SLC18A2: variants seen among roughly 807,000 people sequenced by gnomAD.
The protein encoded by SLC18A2 is synaptic vesicular amine transporter.
A neutral mutation model predicts 59.2 loss-of-function variants in SLC18A2; 33 were observed. The ratio of observed to expected loss-of-function variants is 0.56; its 90% CI spans 0.42 to 0.75. The LOEUF (loss-of-function observed/expected upper bound fraction) is 0.75, where lower values mean the gene tolerates loss of function less well. Ranked by LOEUF, SLC18A2 falls within the 30% of genes least tolerant of loss-of-function variation. SLC18A2 has a pLI of 0.00. For missense variants in SLC18A2, 569 were observed against 668.6 expected, an observed-to-expected ratio of 0.85 and a Z score of 1.64; for synonymous variants, 228 against 253.5, an observed-to-expected ratio of 0.90 and a Z score of 0.95.
rs1844543750 is a variant in SLC18A2 at position 117,279,207 on chromosome 10, T to A, written c.*1941T>A. On this transcript the variant is annotated 3_prime_UTR_variant, in exon 16 of 16. Coordinates refer to ENST00000644641, the MANE Select transcript of SLC18A2 (RefSeq NM_003054.6). ...CTTTTATATGACTAATATTCTTGGT[T>A]AGCAAGACTGGAAAGAGGTGTTTTT... 1 of 152,220 alleles carries A rather than the reference T, an allele frequency of 6.6e-6. No individual in the cohort carries two copies. The highest frequency in any genetic ancestry group is 1.5e-5 in the Non-Finnish European group (1 of 68,042). 9.4% of individuals were successfully genotyped at this position (152,220 alleles called of 1,614,324 possible).
intron 11 of SLC18A2, 30 bp from the exon 12 acceptor site, chr10:117,266,954 A>G: frequency 6.2e-7 from 1 of 1,606,510 alleles, no homozygotes; most frequent in East Asian, 2.2e-5. Context: ...TCAAATGATC[A>G]TTTCTTGATG....
chr10:117,247,090 T>G (rs918547834), intron 3 of SLC18A2, among the ~76,000 whole-genome samples: 1 of 152,208 alleles, frequency 6.6e-6, no homozygotes, highest in Non-Finnish European at 1.5e-5. Flanking sequence ...TTCAGATGGA[T>G]TCAGAGAAGG....
Position 117,241,192 on chromosome 10 carries a change from C to T in SLC18A2, c.-44C>T, listed in dbSNP as rs1844044381. 6.5e-6 allele frequency: 1 copy of T among 152,706 alleles called. No individual in the cohort carries two copies. Among genetic ancestry groups the T allele is most frequent in the Non-Finnish European group, 1.5e-5 (1 of 68,534 alleles). 9.5% of individuals were successfully genotyped at this position (152,706 alleles called of 1,614,324 possible). ...CGGGCGTTGGCGCGGGCACGGAGGA[C>T]CCGGGCAGGCATCGCAAGCGACCCC... On this transcript the variant is annotated 5_prime_UTR_variant, in exon 1 of 16. Transcript: ENST00000644641.
In SLC18A2 at chr10:117,266,729, A is replaced by G. The variant is rs2133741866; in HGVS notation, c.992-4A>G. 1.2e-6 allele frequency: 2 copies of G among 1,610,266 alleles called. No homozygotes were observed. Among genetic ancestry groups the G allele is most frequent in the Non-Finnish European group, 1.7e-6 (2 of 1,177,388 alleles). ...GATAAGGTCTCCTTTTCATAAATTT[A>G]CAGGCGTTGCCTTCTTGCCAGCTAG... On this transcript the variant is annotated splice_region_variant and splice_polypyrimidine_tract_variant and intron_variant, in intron 10 of 15. Coordinates refer to ENST00000644641, the MANE Select transcript of SLC18A2 (RefSeq NM_003054.6).
chr10:117,247,701 G>C (rs1844122703), intron 3 of SLC18A2, among the ~76,000 whole-genome samples: 1 of 152,130 alleles, frequency 6.6e-6, no homozygotes, highest in Non-Finnish European at 1.5e-5. Flanking sequence ...AACCTCCCTG[G>C]TCCCTGAAAT....
chr10:117,277,956 G>A lies in SLC18A2; in HGVS notation c.*690G>A, dbSNP rs920006177. 2 of 152,076 alleles carry A rather than the reference G, an allele frequency of 1.3e-5. No homozygotes were observed. The highest frequency in any genetic ancestry group is 4.8e-5 in the African/African-American group (2 of 41,408). 9.4% of individuals were successfully genotyped at this position (152,076 alleles called of 1,614,324 possible). A position where few individuals can be genotyped will look rare whatever the true frequency, so the allele number is the denominator to read the frequency against. ...GCAGCAAACACTAAAGCCAATAAAG[G>A]AAAAACAGTAAATGTTCCGAAAGCA... is the stretch of plus-strand genomic sequence containing the variant. On this transcript the variant is annotated 3_prime_UTR_variant, in exon 16 of 16. Transcript: ENST00000644641.
chr10:117,254,593 C>A, intron 6 of SLC18A2, 96 bp downstream of exon 6: 1 of 733,044 alleles, frequency 1.4e-6, no homozygotes, highest in Non-Finnish European at 2.1e-6. Flanking sequence ...GCAGTTTGCA[C>A]TGACACAGAG....
intron 3 of SLC18A2, among the ~76,000 whole-genome samples, chr10:117,247,195 A>G (rs1339024734): frequency 6.6e-6 from 1 of 152,208 alleles, no homozygotes; most frequent in Non-Finnish European, 1.5e-5. Flanking sequence ...TGCCAATCAC[A>G]TCCTCCATGA....
intron 10 of SLC18A2, among the ~76,000 whole-genome samples, chr10:117,260,615 G>A (rs754467349): frequency 2.6e-5 from 4 of 152,146 alleles, no homozygotes; most frequent in Non-Finnish European, 5.9e-5. Flanking sequence ...CTGTTTAACT[G>A]GAAACCTTTT....
At position 117,268,842 on chromosome 10, in the gene SLC18A2, G is replaced by GTGTGTGTT. The variant is rs1464980236; in HGVS notation, c.1186+1107_1186+1108insGTGTGTTT. Among the ~76,000 whole-genome samples the GTGTGTGTT allele has an allele frequency of 7.2e-4, 110 of 152,110 alleles. 1 individual carries two copies. Among genetic ancestry groups the GTGTGTGTT allele is most frequent in the African/African-American group, 2.6e-3 (107 of 41,472 alleles). ...TGTATGTTTATGTGTGTGTGTGTGT[G>GTGTGTGTT]TATGCATGTGTATCCATGTATGTGT... On this transcript the variant is annotated intron_variant, in intron 13 of 15. Coordinates refer to ENST00000644641, the MANE Select transcript of SLC18A2 (RefSeq NM_003054.6).
chr10:117,256,421 C>T lies in SLC18A2; in HGVS notation c.895+764C>T, dbSNP rs1474284427. On this transcript the variant is annotated intron_variant, in intron 9 of 15. Transcript: ENST00000644641. The stretch of plus-strand genomic sequence containing the variant: ...GTCAGGCCAGGAGAAGGTCTGGCTG[C>T]GCGCTGATGTGTTGGTCTCTGGGGC... Among the ~76,000 whole-genome samples the T allele has an allele frequency of 1.2e-4, 18 of 152,274 alleles. 1 individual carries two copies. In the South Asian group the frequency reaches 1.2e-3, roughly 11 times the overall value.
In SLC18A2 at chr10:117,277,528, G is replaced by A. The variant is rs1313485171; in HGVS notation, c.*262G>A. On this transcript the variant is annotated 3_prime_UTR_variant, in exon 16 of 16. Coordinates refer to ENST00000644641, the MANE Select transcript of SLC18A2 (RefSeq NM_003054.6). Reference sequence around the variant, plus strand: ...TATTAAATATCATACAATATATTTTGATGAAATAGGTATTGTGTAAATCTA... The same window carrying A: ...TATTAAATATCATACAATATATTTTAATGAAATAGGTATTGTGTAAATCTA... 1.4e-5 allele frequency: 3 copies of A among 208,442 alleles called. No homozygotes were observed. Among genetic ancestry groups the A allele is most frequent in the Non-Finnish European group, 2.8e-5 (3 of 105,354 alleles). 12.9% of individuals were successfully genotyped at this position (208,442 alleles called of 1,614,324 possible). A position where few individuals can be genotyped will look rare whatever the true frequency, so the allele number is the denominator to read the frequency against.
chr10:117,254,569 C>T (rs1844204550), intron 6 of SLC18A2, 72 bp downstream of exon 6: 1 of 1,111,616 alleles, frequency 9.0e-7, no homozygotes, highest in Non-Finnish European at 1.3e-6. Context: ...CAGTCCTCGC[C>T]CAGTGACCCT....
rs769906081 is a variant in SLC18A2, at chr10:117,270,191, G to T, written c.1306+1G>T. On this transcript the variant is annotated splice_donor_variant, in intron 14 of 15. Transcript: ENST00000644641. LOFTEE classifies it high-confidence loss of function. Reference sequence around the variant, plus strand: ...GCATTTTGTATGGGGTATGCTATAGGTAAGGACATTGGCTTTTCATAAGAA... The same window carrying T: ...GCATTTTGTATGGGGTATGCTATAGTTAAGGACATTGGCTTTTCATAAGAA... 1 of 1,614,210 alleles carries T rather than the reference G, an allele frequency of 6.2e-7. No individual in the cohort carries two copies.
At chr10:117,253,122 G>T (rs369625622) in intron 3 of SLC18A2, among the ~76,000 whole-genome samples, 2 of 152,256 alleles carry the variant, frequency 1.3e-5, no homozygotes, top group South Asian at 2.1e-4. Flanking sequence ...AATAGGGGCC[G>T]TGTATTTTGG....
chr10:117,258,026 C>T (rs968398248), intron 10 of SLC18A2, 134 bp downstream of exon 10: 2 of 587,326 alleles, frequency 3.4e-6, no homozygotes, highest in Non-Finnish European at 5.9e-6. Context: ...TTAATGGGGT[C>T]ATTGCTTAGG....
Position 117,277,365 on chromosome 10 carries a change from C to G in SLC18A2, c.*99C>G, listed in dbSNP as rs1036128912. Reference sequence around the variant, plus strand: ...ACTGTCTTAGTCATACCATCCATCCCTGGTGAAAGAGTAAAACCAAAGGTT... The same window carrying G: ...ACTGTCTTAGTCATACCATCCATCCGTGGTGAAAGAGTAAAACCAAAGGTT... On this transcript the variant is annotated 3_prime_UTR_variant, in exon 16 of 16. Transcript: ENST00000644641. 5 of 644,284 alleles carry G rather than the reference C, an allele frequency of 7.8e-6. No individual in the cohort carries two copies. In the Admixed American group the frequency reaches 1.3e-4, roughly 17 times the overall value. The allele number at this position is 644,284 out of a possible 1,614,324, so 39.9% of individuals were successfully genotyped here.
chr10:117,255,795 G>A, intron 9 of SLC18A2, 138 bp downstream of exon 9: 1 of 705,460 alleles, frequency 1.4e-6, no homozygotes, highest in Non-Finnish European at 2.3e-6. Flanking sequence ...AAAAGGCAAA[G>A]AGGCTACAAG....
chr10:117,262,202 G>A (rs1487151867), intron 10 of SLC18A2, among the ~76,000 whole-genome samples: 1 of 152,094 alleles, frequency 6.6e-6, no homozygotes, highest in African/African-American at 2.4e-5. Flanking sequence ...ACCGCATCCT[G>A]CCCAAAGGGT....
Sources: gnomAD v4.1 joint callset for allele counts (sites outside exome capture counted in the v4.1 genomes callset) on GRCh38, gnomAD v4.1.1 for gene constraint, MANE v1.5 for transcripts, NCBI Gene and HGNC (gene_info 2026-07-23, HGNC 2026-07-21) for gene names.